Variants in UBXN2A observed in about 807,000 individuals in gnomAD.
UBXN2A encodes the protein UBX domain protein 2A.
UBXN2A carries 28 observed loss-of-function variants against 28.4 expected under a neutral mutation model. The observed-to-expected ratio is 0.99, with a 90% CI of 0.73 to 1.35. UBXN2A has a LOEUF of 1.35. UBXN2A is among the 40% of genes most tolerant of loss of function. The pLI is 0.00. For synonymous variants in UBXN2A, 97 were observed against 103.6 expected, an observed-to-expected ratio of 0.94 and a Z score of 0.39; for missense variants, 253 against 297.9, an observed-to-expected ratio of 0.85 and a Z score of 1.11.
upstream of UBXN2A, among the ~76,000 whole-genome samples, chr2:23,938,640 G>T (rs1705610293): frequency 6.6e-6 from 1 of 150,820 alleles, no homozygotes; most frequent in Non-Finnish European, 1.5e-5. Flanking sequence ...TGAAAAAGAG[G>T]AGCAAAGTTG....
At position 24,003,763 on chromosome 2, in the gene UBXN2A, A is replaced by G. The variant is rs910015496; in HGVS notation, c.*3896A>G. The G allele has an allele frequency of 4.6e-5, 7 of 151,800 alleles. No individual in the cohort carries two copies. Among genetic ancestry groups the G allele is most frequent in the Non-Finnish European group, 7.4e-5 (5 of 67,944 alleles). The allele number at this position is 151,800 out of a possible 1,614,324, so 9.4% of individuals were successfully genotyped here. A position where few individuals can be genotyped will look rare whatever the true frequency, so the allele number is the denominator to read the frequency against. On this transcript the variant is annotated 3_prime_UTR_variant, in exon 7 of 7. Transcript: ENST00000309033. The stretch of plus-strand genomic sequence containing the variant: ...AAAAAAAGAGGCAATGATAAAATCA[A>G]TGAGCTTATCTTTCTGATATAGAAA...
chr2:23,964,261 A>G (rs1707067938), intron 2 of UBXN2A, among the ~76,000 whole-genome samples: 1 of 151,672 alleles, frequency 6.6e-6, no homozygotes, highest in Admixed American at 6.6e-5. Context: ...CCCAGGCTGG[A>G]GTGCAATGGC....
chr2:23,952,628 T>G (rs1295208895), intron 1 of UBXN2A, among the ~76,000 whole-genome samples: 1 of 150,900 alleles, frequency 6.6e-6, no homozygotes, highest in African/African-American at 2.4e-5. Flanking sequence ...GTGTCTTTAG[T>G]AGAGACGGGT....
At chr2:23,985,544 G>A (rs1000123154) in intron 6 of UBXN2A, among the ~76,000 whole-genome samples, 2 of 150,952 alleles carry the variant, frequency 1.3e-5, no homozygotes, top group East Asian at 2.0e-4. Flanking sequence ...GAGCCACCTC[G>A]ACCAGCCTGG....
At chr2:23,980,235 T>C (rs1407859867) in intron 4 of UBXN2A, among the ~76,000 whole-genome samples, 16 of 152,186 alleles carry the variant, frequency 1.1e-4, no homozygotes. Context: ...TTTGGGCTAT[T>C]ATGAATAATG....
intron 1 of UBXN2A, among the ~76,000 whole-genome samples, chr2:23,942,390 T>C (rs998051975): frequency 1.4e-5 from 2 of 147,964 alleles, no homozygotes; most frequent in Non-Finnish European, 3.0e-5. Context: ...TGTGATAAAG[T>C]AGGTTAGGGC....
intron 1 of UBXN2A, among the ~76,000 whole-genome samples, chr2:23,933,455 G>C (rs930077992): frequency 2.0e-5 from 3 of 151,940 alleles, no homozygotes; most frequent in African/African-American, 7.3e-5. Flanking sequence ...GCAGTGAGCT[G>C]AGATCGCACC....
intron 1 of UBXN2A, among the ~76,000 whole-genome samples, chr2:23,949,603 G>A (rs955423286): frequency 1.3e-5 from 2 of 151,632 alleles, no homozygotes; most frequent in Non-Finnish European, 2.9e-5. Context: ...AGCCGGGCGT[G>A]GTTGCCCATG....
At chr2:23,991,203 T>C (rs961914699) in intron 6 of UBXN2A, among the ~76,000 whole-genome samples, 2 of 152,216 alleles carry the variant, frequency 1.3e-5, no homozygotes, top group Non-Finnish European at 2.9e-5. Context: ...GTCTATTTCT[T>C]ATTTACTTCT....
intron 2 of UBXN2A, among the ~76,000 whole-genome samples, chr2:23,959,975 G>A (rs1036048127): frequency 9.9e-5 from 15 of 152,036 alleles, no homozygotes; most frequent in Non-Finnish European, 1.6e-4. Context: ...AGGTGCGGCC[G>A]GGCGCAGTGC....
upstream of UBXN2A, among the ~76,000 whole-genome samples, chr2:23,938,185 G>C (rs1347423659): frequency 3.4e-5 from 5 of 145,622 alleles, no homozygotes; most frequent in African/African-American, 1.4e-4. Flanking sequence ...CAATACTCCG[G>C]CTGGGTGTGT....
At chr2:23,932,608 A>G (rs6751655) in intron 1 of UBXN2A, among the ~76,000 whole-genome samples, 16,760 of 152,152 alleles carry the variant, frequency 0.11, 1,000 homozygotes, top group Middle Eastern at 0.17. Flanking sequence ...ACTGATCAAC[A>G]GGTTTACAGC....
Position 24,004,513 on chromosome 2 carries a change from G to C in UBXN2A, c.*4646G>C, listed in dbSNP as rs546983602. ...TACTAAAAATACAAAAATTAGCTGG[G>C]TGTAGTGGTGTGCGCCTGTAGTCCC... On this transcript the variant is annotated 3_prime_UTR_variant, in exon 7 of 7. Transcript: ENST00000309033. The C allele has an allele frequency of 2.6e-5, 4 of 152,338 alleles. No homozygotes were observed. The highest frequency in any genetic ancestry group is 2.6e-4 in the Admixed American group (4 of 15,286). The allele number at this position is 152,338 out of a possible 1,614,324, so 9.4% of individuals were successfully genotyped here.
intron 2 of UBXN2A, among the ~76,000 whole-genome samples, chr2:23,967,839 C>T (rs1338020909): frequency 2.0e-5 from 3 of 151,708 alleles, no homozygotes; most frequent in South Asian, 2.1e-4. Context: ...AGAGTATATA[C>T]GAGAGGACTA....
At chr2:23,990,084 C>T (rs1708296193) in intron 6 of UBXN2A, among the ~76,000 whole-genome samples, 1 of 152,062 alleles carries the variant, frequency 6.6e-6, no homozygotes, top group African/African-American at 2.4e-5. Flanking sequence ...CTTCCTCACA[C>T]TGCTTGGGCT....
chr2:23,938,922 A>G (rs1705620212), upstream of UBXN2A, among the ~76,000 whole-genome samples: 1 of 152,064 alleles, frequency 6.6e-6, no homozygotes, highest in Admixed American at 6.5e-5. Context: ...GCCTAATGGG[A>G]TCAATTTAAC....
intron 4 of UBXN2A, 159 bp downstream of exon 4, chr2:23,977,234 TC>T (rs1215564448): frequency 1.6e-5 from 8 of 512,392 alleles, no homozygotes; most frequent in South Asian, 8.9e-5. Flanking sequence ...GCCCAGCTAC[TC>T]AGGATTGCTT....
At chr2:23,929,725 A>G (rs1394451183) in intron 1 of UBXN2A, among the ~76,000 whole-genome samples, 2 of 152,198 alleles carry the variant, frequency 1.3e-5, no homozygotes, top group African/African-American at 4.8e-5. Flanking sequence ...AAAAAAATAA[A>G]TAAATAAAAA....
At position 23,928,185 on chromosome 2, in the gene UBXN2A, A is replaced by G. The variant is rs529149693; in HGVS notation, c.-138+570A>G. On this transcript the variant is annotated intron_variant, in intron 1 of 7. Coordinates refer to the UBXN2A transcript ENST00000404924. Reference sequence around the variant, plus strand: ...AGCCAGACCCTGTCTCAGAAAAAAAAAAAAGAAGAAAGAGAGAGAGAAAGG... The same window carrying G: ...AGCCAGACCCTGTCTCAGAAAAAAAGAAAAGAAGAAAGAGAGAGAGAAAGG... 2.6e-5 allele frequency among the ~76,000 whole-genome samples: 4 copies of G among 151,864 alleles called. No homozygotes were observed. The East Asian group carries it at 7.8e-4, about 29-fold the overall frequency.
Sources: gnomAD v4.1 joint callset for allele counts (sites outside exome capture counted in the v4.1 genomes callset) on GRCh38, gnomAD v4.1.1 for gene constraint, MANE v1.5 for transcripts, NCBI Gene and HGNC (gene_info 2026-07-23, HGNC 2026-07-21) for gene names.